Variants in GPRASP3 observed in about 807,000 individuals in gnomAD.
The protein encoded by GPRASP3 is G protein-coupled receptor associated sorting protein 3.
chrX:102,740,930 G>C, the GPRASP3 span, among the ~76,000 whole-genome samples: 2 of 111,582 alleles, frequency 1.8e-5, no homozygotes, highest in Non-Finnish European at 1.9e-5. Flanking sequence ...ACGGGGGTCA[G>C]ATGCCTCCAA....
chrX:102,728,948 A>G, the GPRASP3 span, among the ~76,000 whole-genome samples: 760 of 112,257 alleles, frequency 6.8e-3, 5 homozygotes, highest in African/African-American at 0.024. Context: ...AAATCCAGAG[A>G]GTCACAGCCT....
chrX:102,733,862 CA>C, the GPRASP3 span, among the ~76,000 whole-genome samples: 3 of 110,315 alleles, frequency 2.7e-5, no homozygotes, highest in Admixed American at 9.8e-5. Context: ...CACCTAGGTG[CA>C]GGCGGGCTGA....
chrX:102,734,455 A>G, the GPRASP3 span, among the ~76,000 whole-genome samples: 26 of 111,669 alleles, frequency 2.3e-4, no homozygotes, highest in African/African-American at 8.2e-4. Flanking sequence ...CGTCTCTACT[A>G]AAAACACAAA....
chrX:102,749,736 T>C, the GPRASP3 span: 2 of 1,211,675 alleles, frequency 1.7e-6, no homozygotes, highest in South Asian at 1.8e-5. Flanking sequence ...CTTCATATAT[T>C]GTTCTGGCCT....
chrX:102,749,610 T>C, the GPRASP3 span: 3 of 1,211,277 alleles, frequency 2.5e-6, no homozygotes, highest in Non-Finnish European at 3.4e-6. Flanking sequence ...TGTATGAAAT[T>C]AATGAAAAAA....
At chrX:102,738,012 CT>C in the GPRASP3 span, among the ~76,000 whole-genome samples, 4 of 111,655 alleles carry the variant, frequency 3.6e-5, no homozygotes, top group African/African-American at 1.3e-4. Flanking sequence ...GCCCTGTTCT[CT>C]TTATTCTACT....
the GPRASP3 span, among the ~76,000 whole-genome samples, chrX:102,740,218 G>A: frequency 1.8e-5 from 2 of 111,507 alleles, no homozygotes; most frequent in Admixed American, 9.4e-5. Context: ...TCCCACCCCC[G>A]CAAGCCACCC....
the GPRASP3 span, chrX:102,751,763 G>A: frequency 8.1e-6 from 1 of 123,036 alleles, no homozygotes; most frequent in Admixed American, 9.5e-5. Context: ...GAAAATAGTA[G>A]GAGCCTAAAA....
the GPRASP3 span, among the ~76,000 whole-genome samples, chrX:102,748,162 A>C: frequency 8.9e-6 from 1 of 112,025 alleles, no homozygotes; most frequent in Non-Finnish European, 1.9e-5. Context: ...TATATAACCA[A>C]AGCCCTAGAT....
the GPRASP3 span, among the ~76,000 whole-genome samples, chrX:102,738,881 G>A: frequency 1.8e-5 from 2 of 111,469 alleles, no homozygotes; most frequent in Non-Finnish European, 3.8e-5. Flanking sequence ...AGGTGGTTGG[G>A]GCACAGCTTG....
the GPRASP3 span, chrX:102,751,152 A>G: frequency 8.0e-6 from 1 of 124,399 alleles, no homozygotes; most frequent in South Asian, 3.7e-4. Context: ...GCTGTATCAG[A>G]TACTCGTTCC....
chrX:102,732,184 T>C, the GPRASP3 span, among the ~76,000 whole-genome samples: 4 of 111,572 alleles, frequency 3.6e-5, no homozygotes, highest in Non-Finnish European at 5.6e-5. Flanking sequence ...CCCAAATCTT[T>C]GGGGAAAAAT....
At chrX:102,722,527 T>C in the GPRASP3 span, among the ~76,000 whole-genome samples, 34 of 112,119 alleles carry the variant, frequency 3.0e-4, no homozygotes, top group Admixed American at 6.6e-4. Context: ...AGCTCAATCT[T>C]CAGCCCCTCT....
At chrX:102,728,485 T>C in the GPRASP3 span, among the ~76,000 whole-genome samples, 1 of 109,978 alleles carries the variant, frequency 9.1e-6, no homozygotes, top group Non-Finnish European at 1.9e-5. Flanking sequence ...CTAATATTTA[T>C]GGAGCAGCTG....
chrX:102,752,642 A>G, the GPRASP3 span: 1 of 123,704 alleles, frequency 8.1e-6, no homozygotes, highest in Non-Finnish European at 1.9e-5. Flanking sequence ...TTATCTAATA[A>G]CTTTATAGAA....
the GPRASP3 span, among the ~76,000 whole-genome samples, chrX:102,728,226 A>AT: frequency 9.0e-6 from 1 of 111,373 alleles, no homozygotes; most frequent in Non-Finnish European, 1.9e-5. Flanking sequence ...ATTTTTAAAG[A>AT]TTTTTTGTAG....
At chrX:102,743,419 A>G in the GPRASP3 span, among the ~76,000 whole-genome samples, 3 of 111,421 alleles carry the variant, frequency 2.7e-5, no homozygotes, top group Admixed American at 2.9e-4. Context: ...TTTGGTATAT[A>G]TAGAGCTACT....
chrX:102,737,539 A>G, the GPRASP3 span, among the ~76,000 whole-genome samples: 3 of 111,725 alleles, frequency 2.7e-5, no homozygotes, highest in Non-Finnish European at 5.6e-5. Flanking sequence ...ATAGAAAGAG[A>G]GAAGCCAGAA....
At chrX:102,729,907 G>A in the GPRASP3 span, among the ~76,000 whole-genome samples, 3 of 111,814 alleles carry the variant, frequency 2.7e-5, no homozygotes, top group African/African-American at 6.5e-5. Context: ...GACTCAGCAA[G>A]CTTGAGTAGC....
Sources: allele counts gnomAD v4.1 joint callset (sites outside exome capture counted in the v4.1 genomes callset), GRCh38; gene constraint gnomAD v4.1.1; transcripts MANE v1.5; gene names NCBI Gene and HGNC (gene_info 2026-07-23, HGNC 2026-07-21).